The following BMAL1 variants were observed in gnomAD, a reference collection of about 807,000 sequenced individuals.
BMAL1 encodes basic helix-loop-helix ARNT like 1, also known as basic helix-loop-helix ARNT-like protein 1.
the BMAL1 span, among the ~76,000 whole-genome samples, chr11:13,319,140 A>G: frequency 6.6e-6 from 1 of 152,126 alleles, no homozygotes; most frequent in Non-Finnish European, 1.5e-5. Flanking sequence ...ACAGCTGTCA[A>G]TTATTATGGT....
chr11:13,284,128 GTATATATATATATATGTGTA>G, the BMAL1 span, among the ~76,000 whole-genome samples: 2 of 58,848 alleles, frequency 3.4e-5, no homozygotes, highest in African/African-American at 8.4e-5. Context: ...ATGTGTGTGT[GTATATATATATATATGTGTA>G]TATATATATA....
At chr11:13,308,789 G>A in the BMAL1 span, among the ~76,000 whole-genome samples, 16 of 152,278 alleles carry the variant, frequency 1.1e-4, 2 homozygotes, top group African/African-American at 3.4e-4. Flanking sequence ...AGATAGTACC[G>A]TAGGAATCCA....
chr11:13,284,254 A>G, the BMAL1 span, among the ~76,000 whole-genome samples: 60 of 25,686 alleles, frequency 2.3e-3, 4 homozygotes, highest in South Asian at 4.2e-3. Flanking sequence ...ATATATATAT[A>G]TATATATATA....
chr11:13,369,705 G>A, the BMAL1 span: 6 of 1,614,026 alleles, frequency 3.7e-6, no homozygotes, highest in African/African-American at 1.3e-5. Context: ...AGGATGAAGT[G>A]TAACAGGCCT....
At chr11:13,363,564 G>A in the BMAL1 span, among the ~76,000 whole-genome samples, 1 of 152,186 alleles carries the variant, frequency 6.6e-6, no homozygotes, top group Admixed American at 6.5e-5. Flanking sequence ...TTTGGCCGCA[G>A]GAGCTGGACT....
At chr11:13,377,540 C>T in the BMAL1 span, among the ~76,000 whole-genome samples, 1 of 152,310 alleles carries the variant, frequency 6.6e-6, no homozygotes, top group Admixed American at 6.5e-5. Context: ...CCCCTCTCCC[C>T]ACCCCATCCT....
the BMAL1 span, chr11:13,356,636 G>T: frequency 7.2e-7 from 1 of 1,391,696 alleles, no homozygotes; most frequent in Non-Finnish European, 9.9e-7. Flanking sequence ...CGAACTTTAT[G>T]ATTGTTTGGT....
chr11:13,367,730 AT>A, the BMAL1 span, among the ~76,000 whole-genome samples: 1 of 151,048 alleles, frequency 6.6e-6, no homozygotes, highest in African/African-American at 2.4e-5. Context: ...AAAAAAAAGA[AT>A]GAGAACACAA....
the BMAL1 span, among the ~76,000 whole-genome samples, chr11:13,343,312 A>G: frequency 3.9e-5 from 6 of 152,144 alleles, no homozygotes; most frequent in Admixed American, 1.3e-4. Flanking sequence ...CCCTTTTCAG[A>G]TGGTTCGTGG....
the BMAL1 span, among the ~76,000 whole-genome samples, chr11:13,353,824 TCAAAA>T: frequency 2.6e-5 from 4 of 152,230 alleles, no homozygotes; most frequent in Non-Finnish European, 5.9e-5. Flanking sequence ...AGACTTTGTC[TCAAAA>T]CAAATAAAAA....
chr11:13,357,044 C>T, the BMAL1 span: 2 of 1,614,064 alleles, frequency 1.2e-6, no homozygotes, highest in African/African-American at 1.3e-5. The surrounding 1 kb of genome is among the most constrained non-coding windows in gnomAD (Gnocchi z 4.8). Context: ...TTTGCTTTTT[C>T]CTCCCCCCAG....
At chr11:13,296,080 T>C in the BMAL1 span, among the ~76,000 whole-genome samples, 8 of 152,266 alleles carry the variant, frequency 5.3e-5, no homozygotes, top group Admixed American at 3.3e-4. Context: ...CAGGCAAACT[T>C]AGGCGATTTC....
At chr11:13,284,296 A>T in the BMAL1 span, among the ~76,000 whole-genome samples, 3 of 143,890 alleles carry the variant, frequency 2.1e-5, no homozygotes, top group African/African-American at 5.2e-5. Context: ...TTGTTCCCCA[A>T]ATACATTTAG....
At chr11:13,376,796 C>G in the BMAL1 span, 5 of 1,458,320 alleles carry the variant, frequency 3.4e-6, no homozygotes, top group African/African-American at 7.0e-5. Context: ...ATATCCTCCC[C>G]TAAAGTATTC....
the BMAL1 span, chr11:13,365,648 C>T: frequency 7.7e-6 from 11 of 1,429,108 alleles, no homozygotes; most frequent in Non-Finnish European, 1.1e-5. Context: ...AGAAGTGTCA[C>T]TCAATTTTGT....
At chr11:13,327,704 T>C in the BMAL1 span, among the ~76,000 whole-genome samples, 3 of 152,210 alleles carry the variant, frequency 2.0e-5, no homozygotes, top group Non-Finnish European at 4.4e-5. Flanking sequence ...GCTTCCTGTA[T>C]AGTTGTTTGT....
At chr11:13,366,024 A>T in the BMAL1 span, among the ~76,000 whole-genome samples, 1 of 152,218 alleles carries the variant, frequency 6.6e-6, no homozygotes, top group African/African-American at 2.4e-5. Flanking sequence ...ATGATAACTT[A>T]TAGGATCAAA....
the BMAL1 span, among the ~76,000 whole-genome samples, chr11:13,382,145 G>GA: frequency 2.0e-5 from 3 of 152,298 alleles, no homozygotes; most frequent in East Asian, 3.9e-4. Context: ...TTGCTAAGGA[G>GA]AGAGGGTAAG....
At chr11:13,352,144 T>C in the BMAL1 span, among the ~76,000 whole-genome samples, 1 of 152,098 alleles carries the variant, frequency 6.6e-6, no homozygotes, top group African/African-American at 2.4e-5. Flanking sequence ...AAGGAGGTGG[T>C]AGGTGTGCAC....
Sources: allele counts gnomAD v4.1 joint callset (sites outside exome capture counted in the v4.1 genomes callset), GRCh38; gene constraint gnomAD v4.1.1; non-coding constraint Gnocchi (gnomAD v3.1); transcripts MANE v1.5; gene names NCBI Gene and HGNC (gene_info 2026-07-23, HGNC 2026-07-21).